Variants in CLIP4 observed in about 807,000 individuals in gnomAD.
CLIP4 encodes the protein CAP-Gly domain-containing linker protein 4.
CLIP4 carries 47 observed loss-of-function variants against 73.1 expected under a neutral mutation model. The ratio of observed to expected loss-of-function variants is 0.64; its 90% CI spans 0.51 to 0.82. The LOEUF is 0.82. Ranked by LOEUF, CLIP4 falls within the 40% of genes least tolerant of loss-of-function variation. The pLI, the probability that CLIP4 is intolerant of heterozygous loss-of-function variation, is 0.00. For missense variants in CLIP4, 874 were observed against 852.9 expected, an observed-to-expected ratio of 1.02 and a Z score of -0.31; for synonymous variants, 306 against 295.4, an observed-to-expected ratio of 1.04 and a Z score of -0.37.
intron 8 of CLIP4, among the ~76,000 whole-genome samples, chr2:29,148,719 A>T (rs1572958186): frequency 6.6e-6 from 1 of 152,194 alleles, no homozygotes; most frequent in Non-Finnish European, 1.5e-5. Flanking sequence ...ACATCTAGTG[A>T]GTTTGTACTA....
chr2:29,099,040 C>T (rs1337352609), intron 1 of CLIP4, among the ~76,000 whole-genome samples: 1 of 152,152 alleles, frequency 6.6e-6, no homozygotes, highest in African/African-American at 2.4e-5. Context: ...ATCTTTTGCC[C>T]ATTTAAACAA....
chr2:29,159,900 A>G (rs1160401311), intron 11 of CLIP4, among the ~76,000 whole-genome samples: 4 of 152,246 alleles, frequency 2.6e-5, no homozygotes, highest in African/African-American at 9.6e-5. Context: ...TATTGTCTAT[A>G]TCTACTTTCA....
chr2:29,181,708 C>A lies in CLIP4; in HGVS notation c.1933C>A (p.Pro645Thr). ...NEMGTVRYVG[P>T]TDFASGIWLG... ...GATGGGTACTGTTAGGTATGTGGGC[C>A]CCACTGACTTTGCTTCAGGTATCTG... The change falls in exon 16 of 16, where the codon CCC (proline) becomes ACC (threonine). Residue 645 changes from proline (P) to threonine (T), a missense_variant. Physicochemically the swap from Pro to Thr is conservative, Grantham distance 38 (BLOSUM62 -1). Coordinates refer to ENST00000320081, the MANE Select transcript of CLIP4 (RefSeq NM_024692.6). 1 of 1,614,114 alleles carries A rather than the reference C, an allele frequency of 6.2e-7. No homozygotes were observed. Among genetic ancestry groups the A allele is most frequent in the Non-Finnish European group, 8.5e-7 (1 of 1,180,006 alleles).
intron 14 of CLIP4, chr2:29,167,941 G>A (rs1306408269): frequency 1.3e-5 from 2 of 153,684 alleles, no homozygotes; most frequent in African/African-American, 4.8e-5. Flanking sequence ...ATAATTGATG[G>A]TTATTTGGGT....
chr2:29,141,153 G>C (rs1390578054), intron 6 of CLIP4, among the ~76,000 whole-genome samples: 1 of 151,908 alleles, frequency 6.6e-6, no homozygotes, highest in Non-Finnish European at 1.5e-5. Context: ...AGCTCTTCTT[G>C]GTATTGATTT....
At chr2:29,124,935 CT>C (rs1664499471) in intron 2 of CLIP4, among the ~76,000 whole-genome samples, 1 of 152,174 alleles carries the variant, frequency 6.6e-6, no homozygotes. Flanking sequence ...TCTTTCTTTG[CT>C]TGCCTGATAA....
At chr2:29,154,002 A>G (rs1049269507) in intron 9 of CLIP4, among the ~76,000 whole-genome samples, 5 of 152,230 alleles carry the variant, frequency 3.3e-5, no homozygotes, top group African/African-American at 9.6e-5. Flanking sequence ...GCTTAAATCA[A>G]TGGGAAAGAA....
At position 29,167,497 on chromosome 2, in the gene CLIP4, C is replaced by A; in HGVS notation, c.1680C>A (p.Thr560=). 2 of 1,607,890 alleles carry A rather than the reference C, an allele frequency of 1.2e-6. No homozygotes were observed. Among genetic ancestry groups the A allele is most frequent in the Non-Finnish European group, 1.7e-6 (2 of 1,177,134 alleles). Reference sequence around the variant, plus strand: ...ATAGAGTAACAGATTCCCTGGATACCCTTTCAGAAATTTCTTCAAATAAAC... The same window carrying A: ...ATAGAGTAACAGATTCCCTGGATACACTTTCAGAAATTTCTTCAAATAAAC... ...RVQRVTDSLD[T]LSEISSNKQN... Residue 560 remains threonine (T), a synonymous_variant, in exon 14 of 16, where the codon ACC becomes ACA. Coordinates refer to ENST00000320081, the MANE Select transcript of CLIP4 (RefSeq NM_024692.6).
At position 29,181,579 on chromosome 2, in the gene CLIP4, G is replaced by A; in HGVS notation, c.1804G>A (p.Ala602Thr). 6.2e-7 allele frequency: 1 copy of A among 1,604,964 alleles called. No homozygotes were observed. The highest frequency in any genetic ancestry group is 2.2e-5 in the East Asian group (1 of 44,668). The change falls in exon 16 of 16, where the codon GCT becomes ACT. Residue 602 changes from alanine (A) to threonine (T), a missense_variant. Coordinates refer to ENST00000320081, the MANE Select transcript of CLIP4 (RefSeq NM_024692.6). ...NRRNAFSKSKAALRRSWSSTP... is the reference protein window; with the variant it reads ...NRRNAFSKSKTALRRSWSSTP... ...CTTTTCCCTTCCGCACAGATCGAAA[G>A]CTGCTTTGCGTCGCAGTTGGAGCAG...
Position 29,119,619 on chromosome 2 carries a change from G to A in CLIP4, c.-15-1755G>A, listed in dbSNP as rs1664120306. On this transcript the variant is annotated intron_variant, in intron 1 of 15. Transcript: ENST00000320081. Reference sequence around the variant, plus strand: ...CAGTAGTTTCCCAGTGCTCATGAAAGTAAGTGGTTTGGTCTTTGATGAGGT... The same window carrying A: ...CAGTAGTTTCCCAGTGCTCATGAAAATAAGTGGTTTGGTCTTTGATGAGGT... 2.0e-5 allele frequency among the ~76,000 whole-genome samples: 3 copies of A among 152,148 alleles called. No homozygotes were observed. In the South Asian group the frequency reaches 6.2e-4, roughly 32 times the overall value.
At chr2:29,107,358 GTTTTTTTTTTTTTTTTT>G (rs796180363) in intron 1 of CLIP4, among the ~76,000 whole-genome samples, 16 of 65,350 alleles carry the variant, frequency 2.4e-4, no homozygotes, top group African/African-American at 6.2e-4. Flanking sequence ...GAACATGATA[GTTTTTTTTTTTTTTTTT>G]TTTTTTTTTT....
At chr2:29,116,054 A>G (rs1356283311) in intron 1 of CLIP4, among the ~76,000 whole-genome samples, 1 of 151,982 alleles carries the variant, frequency 6.6e-6, no homozygotes, top group Admixed American at 6.5e-5. Flanking sequence ...GCCTCTTCCC[A>G]TTTCTCACTT....
chr2:29,161,948 T>G (rs1262000577), intron 12 of CLIP4, among the ~76,000 whole-genome samples: 1 of 152,216 alleles, frequency 6.6e-6, no homozygotes, highest in Non-Finnish European at 1.5e-5. Flanking sequence ...TAATACCACT[T>G]ATAATTGCAA....
chr2:29,103,636 A>T (rs886161689), intron 1 of CLIP4, among the ~76,000 whole-genome samples: 7 of 151,214 alleles, frequency 4.6e-5, no homozygotes, highest in Non-Finnish European at 7.4e-5. Flanking sequence ...AAGAACTTGA[A>T]TGTTGATCTG....
intron 15 of CLIP4, among the ~76,000 whole-genome samples, chr2:29,180,511 C>T (rs1439267005): frequency 6.6e-6 from 1 of 152,094 alleles, no homozygotes; most frequent in Admixed American, 6.5e-5. Context: ...GTGTTAGTGG[C>T]TGGGAGGGTG....
intron 11 of CLIP4, among the ~76,000 whole-genome samples, chr2:29,157,607 C>A (rs528896421): frequency 2.3e-4 from 35 of 152,178 alleles, no homozygotes; most frequent in African/African-American, 7.2e-4. Flanking sequence ...TCTTCACAGG[C>A]CTTTGTGTCA....
intron 1 of CLIP4, among the ~76,000 whole-genome samples, chr2:29,103,378 C>CT (rs1668105721): frequency 6.6e-6 from 1 of 151,774 alleles, no homozygotes; most frequent in Non-Finnish European, 1.5e-5. Flanking sequence ...GTTTCTAAAA[C>CT]ACCCAATTTA....
chr2:29,153,878 T>C (rs1558558914), intron 9 of CLIP4, among the ~76,000 whole-genome samples: 1 of 152,216 alleles, frequency 6.6e-6, no homozygotes, highest in Non-Finnish European at 1.5e-5. Context: ...TTCTTGATCA[T>C]TGTCTTGCTG....
chr2:29,098,294 T>G (rs1478895085), intron 1 of CLIP4, among the ~76,000 whole-genome samples: 1 of 152,220 alleles, frequency 6.6e-6, no homozygotes, highest in Non-Finnish European at 1.5e-5. Flanking sequence ...CACTTTTGTG[T>G]TTTACATTCG....
Sources: allele counts gnomAD v4.1 joint callset (sites outside exome capture counted in the v4.1 genomes callset), GRCh38; gene constraint gnomAD v4.1.1; transcripts MANE v1.5; gene names NCBI Gene and HGNC (gene_info 2026-07-23, HGNC 2026-07-21).